The following ADCY8 variants were observed in gnomAD, a reference collection of about 807,000 sequenced individuals.
The protein encoded by ADCY8 is adenylate cyclase 8.
In ADCY8, 51 loss-of-function variants were observed where a neutral mutation model predicts 119.7. The ratio of observed to expected loss-of-function variants is 0.43; its 90% CI spans 0.34 to 0.54. The LOEUF (loss-of-function observed/expected upper bound fraction) is 0.54. Ranked by LOEUF, ADCY8 falls within the 20% of genes least tolerant of loss-of-function variation. The pLI is 0.03. For synonymous variants in ADCY8, 665 were observed against 651.0 expected (o/e 1.02, Z -0.33); for missense variants, 1,383 against 1,598.8 (o/e 0.87, Z 2.30).
intron 1 of ADCY8, among the ~76,000 whole-genome samples, chr8:131,009,790 A>G (rs1051647422): frequency 5.9e-5 from 9 of 152,202 alleles, no homozygotes; most frequent in African/African-American, 1.9e-4. Flanking sequence ...AATGTATAGA[A>G]GTTAGGCAAG....
At chr8:130,798,785 A>G (rs896489359) in intron 15 of ADCY8, among the ~76,000 whole-genome samples, 1 of 152,132 alleles carries the variant, frequency 6.6e-6, no homozygotes, top group South Asian at 2.1e-4. Flanking sequence ...AAAGTTGATG[A>G]GATGTCTGCA....
At chr8:130,972,937 G>A (rs1821968062) in intron 2 of ADCY8, among the ~76,000 whole-genome samples, 1 of 151,808 alleles carries the variant, frequency 6.6e-6, no homozygotes, top group Non-Finnish European at 1.5e-5. Context: ...CTCATGGAGT[G>A]GCTCATGTGA....
chr8:130,954,060 AT>A (rs1821352606), intron 2 of ADCY8, among the ~76,000 whole-genome samples: 1 of 152,206 alleles, frequency 6.6e-6, no homozygotes, highest in Non-Finnish European at 1.5e-5. Context: ...GGGATGTTTA[AT>A]TAAGATGCCA....
At chr8:130,858,865 C>T (rs1817833529) in intron 9 of ADCY8, among the ~76,000 whole-genome samples, 2 of 151,548 alleles carry the variant, frequency 1.3e-5, no homozygotes, top group African/African-American at 4.9e-5. Flanking sequence ...TTGTTGGTTC[C>T]TGTGTCCCTT....
chr8:130,793,631 C>A (rs996664226), intron 15 of ADCY8, among the ~76,000 whole-genome samples: 1 of 152,198 alleles, frequency 6.6e-6, no homozygotes, highest in African/African-American at 2.4e-5. Context: ...ACAGCAAATT[C>A]TCTGAGGCTG....
At chr8:130,926,492 T>C (rs972983577) in intron 5 of ADCY8, among the ~76,000 whole-genome samples, 2 of 152,192 alleles carry the variant, frequency 1.3e-5, no homozygotes, top group Non-Finnish European at 2.9e-5. Context: ...GGTAAAATTG[T>C]ATATATTTGT....
chr8:130,888,104 C>T (rs976534981), intron 7 of ADCY8, among the ~76,000 whole-genome samples: 13 of 151,704 alleles, frequency 8.6e-5, no homozygotes, highest in African/African-American at 1.2e-4. Context: ...AATGTTGAGA[C>T]GGTTCTTTCA....
intron 14 of ADCY8, among the ~76,000 whole-genome samples, chr8:130,811,366 G>A (rs1816159894): frequency 1.3e-5 from 2 of 152,168 alleles, no homozygotes; most frequent in Non-Finnish European, 2.9e-5. Flanking sequence ...GGCGCTACAG[G>A]TAACATAAAT....
chr8:130,800,921 A>G (rs166402), intron 14 of ADCY8, among the ~76,000 whole-genome samples: 146,319 of 152,316 alleles, frequency 0.96, 70,323 homozygotes, highest in African/African-American at 0.99. Flanking sequence ...GAAGAAGCAA[A>G]GCAAATCTTT....
At position 130,849,691 on chromosome 8, in the gene ADCY8, A is replaced by G. The variant is rs184801904; in HGVS notation, c.2323T>C (p.Cys775Arg). The change falls in exon 10 of 18, where the codon TGC (cysteine) becomes CGC (arginine). Residue 775 changes from cysteine (C) to arginine (R), a missense_variant. Cys to Arg is a radical substitution (Grantham distance 180). This residue lies in a region of ADCY8 where 928 missense variants were observed against 1,163.5 expected (regional missense o/e 0.80). Transcript: ENST00000286355. Reference protein sequence around the residue: ...KCLPLILRKTCCWINETYLAR... With the variant: ...KCLPLILRKTRCWINETYLAR... ...AAATAGGTCTCATTAATCCAACAGC[A>G]AGTTTTCCGGAGGATGAGGGGCAAA... 1 of 1,614,044 alleles carries G rather than the reference A, an allele frequency of 6.2e-7. No homozygotes were observed. The highest frequency in any genetic ancestry group is 2.2e-5 in the East Asian group (1 of 44,850).
At chr8:130,812,093 A>T (rs1278019298) in intron 14 of ADCY8, among the ~76,000 whole-genome samples, 2 of 152,030 alleles carry the variant, frequency 1.3e-5, no homozygotes, top group Non-Finnish European at 2.9e-5. Context: ...CTCCATCTCC[A>T]CTGCCACCAT....
At chr8:130,900,981 G>A (rs774000611) in intron 7 of ADCY8, among the ~76,000 whole-genome samples, 1 of 152,080 alleles carries the variant, frequency 6.6e-6, no homozygotes. Flanking sequence ...GCTTATTTTA[G>A]TTGGAAGTTC....
intron 11 of ADCY8, among the ~76,000 whole-genome samples, chr8:130,841,879 T>C (rs1817154162): frequency 6.6e-6 from 1 of 152,180 alleles, no homozygotes; most frequent in Admixed American, 6.5e-5. Context: ...AGCAACACAG[T>C]GAAGTGTGTC....
At chr8:130,918,127 G>T (rs1361769658) in intron 5 of ADCY8, among the ~76,000 whole-genome samples, 1 of 152,202 alleles carries the variant, frequency 6.6e-6, no homozygotes, top group Non-Finnish European at 1.5e-5. Context: ...TTTTGTGTGG[G>T]TCTTAATCAA....
chr8:130,915,542 T>G (rs949754528), intron 5 of ADCY8, among the ~76,000 whole-genome samples: 7 of 152,132 alleles, frequency 4.6e-5, no homozygotes, highest in African/African-American at 1.7e-4. Context: ...TCAGGCTAGT[T>G]GCTTTAGTCT....
intron 7 of ADCY8, among the ~76,000 whole-genome samples, chr8:130,888,020 C>A (rs564683993): frequency 6.6e-6 from 1 of 151,980 alleles, no homozygotes; most frequent in Non-Finnish European, 1.5e-5. Flanking sequence ...AGCACCAGTG[C>A]GAGCTAGACT....
At chr8:130,869,577 G>C (rs1320109349) in intron 8 of ADCY8, among the ~76,000 whole-genome samples, 2 of 149,196 alleles carry the variant, frequency 1.3e-5, no homozygotes, top group African/African-American at 5.0e-5. Flanking sequence ...GAGTGCAGTG[G>C]TGTGATCTCG....
chr8:130,848,643 G>GCTCA (rs1817411572), intron 10 of ADCY8, among the ~76,000 whole-genome samples: 2 of 152,074 alleles, frequency 1.3e-5, no homozygotes, highest in African/African-American at 4.8e-5. Context: ...CCTCCCTCAG[G>GCTCA]CCCAAAGGGC....
intron 8 of ADCY8, among the ~76,000 whole-genome samples, chr8:130,868,491 C>T (rs950160719): frequency 2.8e-4 from 43 of 152,208 alleles, no homozygotes; most frequent in Non-Finnish European, 1.6e-4. Context: ...TGATGCCCTT[C>T]GTGTCTGCTC....
Sources: gnomAD v4.1 joint callset for allele counts (sites outside exome capture counted in the v4.1 genomes callset) on GRCh38, gnomAD v4.1.1 for gene constraint, gnomAD v4.1.1 regional missense constraint, MANE v1.5 for transcripts, NCBI Gene and HGNC (gene_info 2026-07-23, HGNC 2026-07-21) for gene names.